NLK: variants seen among roughly 807,000 people sequenced by gnomAD.
NLK encodes the protein nemo like kinase, also known as serine/threonine-protein kinase NLK.
In NLK, 11 loss-of-function variants were observed where a neutral mutation model predicts 59.0. The ratio of observed to expected loss-of-function variants is 0.19; its 90% CI spans 0.12 to 0.31. The LOEUF (loss-of-function observed/expected upper bound fraction) is 0.31, where lower values mean the gene tolerates loss of function less well. NLK is among the 10% of genes least tolerant of loss of function. The probability of loss-of-function intolerance (pLI) is 1.00; values close to 1 mark genes in which losing one functional copy is unlikely to be tolerated. For synonymous variants in NLK, 235 were observed against 235.9 expected (o/e 1.00, Z 0.03); for missense variants, 410 against 661.1 (o/e 0.62, Z 4.16).
rs768444319 is a variant in NLK at position 28,052,888 on chromosome 17, G to GTT, written c.458+9575_458+9576dup. 1.5e-3 allele frequency among the ~76,000 whole-genome samples: 164 copies of GTT among 112,466 alleles called. 1 individual carries two copies. The highest frequency in any genetic ancestry group is 3.4e-3 in the African/African-American group (102 of 30,292). The allele number at this position is 112,466 out of a possible 152,430, so 73.8% of individuals were successfully genotyped here. ...CAGCACCAGCATATTGATCTCTGGT[G>GTT]TTTTTTTTTTTTTTTTTTTGAGACA... On this transcript the variant is annotated intron_variant, in intron 1 of 10. Transcript: ENST00000407008.
At position 28,195,542 on chromosome 17, in the gene NLK, A is replaced by G. The variant is rs1169849727; in HGVS notation, c.*906A>G. ...CACTGGACAGTAAAAAAATAATAAA[A>G]GACAAAAACAAATTTAAAAAAAAAT... is the stretch of plus-strand genomic sequence containing the variant. On this transcript the variant is annotated 3_prime_UTR_variant, in exon 11 of 11. Coordinates refer to ENST00000407008, the MANE Select transcript of NLK (RefSeq NM_016231.5). 2.0e-5 allele frequency: 3 copies of G among 152,530 alleles called. No individual in the cohort carries two copies. Among genetic ancestry groups the G allele is most frequent in the Non-Finnish European group, 4.4e-5 (3 of 68,030 alleles). The allele number at this position is 152,530 out of a possible 1,614,324, so 9.4% of individuals were successfully genotyped here. A position where few individuals can be genotyped will look rare whatever the true frequency, so the allele number is the denominator to read the frequency against.
chr17:28,043,242 G>A lies in NLK; in HGVS notation c.369G>A (p.Ala123=), dbSNP rs34145651. The change falls in exon 1 of 11, where the codon GCG becomes GCA. Residue 123 remains alanine (A), a synonymous_variant. Coordinates refer to ENST00000407008, the MANE Select transcript of NLK (RefSeq NM_016231.5). ...VQAAAAATVK[A]HHHQHSHHPQ... ...CTGCCGCAGCTGCTACAGTTAAGGC[G>A]CACCATCATCAGCACTCGCATCATC... 2,124 of 1,613,866 alleles carry A rather than the reference G, an allele frequency of 1.3e-3. 26 individuals carry two copies. The African/African-American group carries it at 0.025, about 19-fold the overall frequency.
At position 28,168,478 on chromosome 17, in the gene NLK, G is replaced by C. The variant is rs1908332546; in HGVS notation, c.868G>C (p.Glu290Gln). The change falls in exon 6 of 11, where the codon GAA (glutamate) becomes CAA (glutamine). Residue 290 changes from glutamate to glutamine, a missense_variant. By Grantham distance (29) the Glu-to-Gln change is conservative. Around this residue, in one of 5 missense-constraint regions of NLK, gnomAD observed 150 missense variants for 244.3 expected, o/e 0.61. Coordinates refer to ENST00000407008, the MANE Select transcript of NLK (RefSeq NM_016231.5). Reference protein sequence around the residue: ...ICDFGLARVEELDESRHMTQE... With the variant: ...ICDFGLARVEQLDESRHMTQE... ...TGATTTTGGATTGGCCAGAGTGGAA[G>C]AATTAGATGAATCCCGTCATATGAC... 1 of 1,613,836 alleles carries C rather than the reference G, an allele frequency of 6.2e-7. No individual in the cohort carries two copies. Among genetic ancestry groups the C allele is most frequent in the Non-Finnish European group, 8.5e-7 (1 of 1,179,762 alleles).
At chr17:28,078,386 T>C (rs1910237338) in intron 1 of NLK, among the ~76,000 whole-genome samples, 1 of 152,128 alleles carries the variant, frequency 6.6e-6, no homozygotes, top group East Asian at 1.9e-4. Context: ...CAGTTTTAGG[T>C]TTACAGCAAA....
the NLK span, among the ~76,000 whole-genome samples, chr17:28,204,894 G>A: frequency 6.6e-6 from 1 of 152,214 alleles, no homozygotes; most frequent in Admixed American, 6.5e-5. Flanking sequence ...AACTCATCCA[G>A]TAAAGTTCAG....
chr17:28,068,706 A>C (rs947213423), intron 1 of NLK, among the ~76,000 whole-genome samples: 1 of 152,134 alleles, frequency 6.6e-6, no homozygotes, highest in Non-Finnish European at 1.5e-5. Flanking sequence ...TAGAGACAAG[A>C]TCTCTTTCTG....
At chr17:28,091,406 T>C (rs552955291) in intron 1 of NLK, among the ~76,000 whole-genome samples, 30 of 151,846 alleles carry the variant, frequency 2.0e-4, no homozygotes, top group Non-Finnish European at 3.8e-4. Flanking sequence ...TAAACACTTT[T>C]ATCTGGGCAA....
At chr17:28,150,469 T>G (rs987205991) in intron 3 of NLK, among the ~76,000 whole-genome samples, 2 of 152,180 alleles carry the variant, frequency 1.3e-5, no homozygotes, top group African/African-American at 2.4e-5. Flanking sequence ...GAATGTGACC[T>G]TAGGTAAAGA....
chr17:28,082,403 G>A (rs1597669844), intron 1 of NLK, among the ~76,000 whole-genome samples: 1 of 152,206 alleles, frequency 6.6e-6, no homozygotes, highest in African/African-American at 2.4e-5. Flanking sequence ...TTTCATTTGA[G>A]TTACCTGAAT....
chr17:28,043,266 T>C lies in NLK; in HGVS notation c.393T>C (p.His131=). Residue 131 remains histidine (H), a synonymous_variant, in exon 1 of 11, where the codon CAT becomes CAC. Coordinates refer to ENST00000407008, the MANE Select transcript of NLK (RefSeq NM_016231.5). ...VKAHHHQHSH[H]PQQQLDIEPD... is the part of the protein sequence containing the mutation. The stretch of plus-strand genomic sequence containing the variant: ...CGCACCATCATCAGCACTCGCATCA[T>C]CCACAGCAGCAGCTGGATATTGAGC... 6.2e-7 allele frequency: 1 copy of C among 1,612,462 alleles called. No homozygotes were observed.
chr17:28,166,848 T>G (rs1163727270), intron 5 of NLK, among the ~76,000 whole-genome samples: 3 of 152,250 alleles, frequency 2.0e-5, no homozygotes, highest in Non-Finnish European at 4.4e-5. Flanking sequence ...TATTATTTAT[T>G]GCTGTATCTC....
chr17:28,122,380 T>C (rs976947211), intron 1 of NLK, among the ~76,000 whole-genome samples: 3 of 152,206 alleles, frequency 2.0e-5, no homozygotes, highest in Non-Finnish European at 2.9e-5. Flanking sequence ...GGGATTTTTT[T>C]TTTTTTAAAG....
At chr17:28,075,574 C>T (rs546032493) in intron 1 of NLK, among the ~76,000 whole-genome samples, 1 of 152,196 alleles carries the variant, frequency 6.6e-6, no homozygotes, top group Admixed American at 6.5e-5. Context: ...ATTGAGCTCT[C>T]AGACTTACTT....
chr17:28,158,834 T>C (rs1907890646), intron 3 of NLK, among the ~76,000 whole-genome samples: 1 of 152,152 alleles, frequency 6.6e-6, no homozygotes, highest in Non-Finnish European at 1.5e-5. Flanking sequence ...GTTGCTTTTT[T>C]ACTTTTTAAA....
At chr17:28,169,536 A>G (rs1908377114) in intron 6 of NLK, among the ~76,000 whole-genome samples, 1 of 152,182 alleles carries the variant, frequency 6.6e-6, no homozygotes, top group African/African-American at 2.4e-5. Flanking sequence ...ATTATTCACT[A>G]ATACACATAT....
chr17:28,155,697 G>A (rs767023783), intron 3 of NLK, among the ~76,000 whole-genome samples: 9 of 151,680 alleles, frequency 5.9e-5, no homozygotes, highest in South Asian at 2.1e-4. Flanking sequence ...ACCAAACACC[G>A]CATGTTCTCA....
chr17:28,139,826 C>T (rs1906911391), intron 3 of NLK, among the ~76,000 whole-genome samples: 1 of 152,162 alleles, frequency 6.6e-6, no homozygotes, highest in Non-Finnish European at 1.5e-5. Context: ...CCATGCTCTG[C>T]TGCCTCTTAA....
intron 1 of NLK, among the ~76,000 whole-genome samples, chr17:28,090,514 T>G (rs1904448565): frequency 6.6e-6 from 1 of 152,164 alleles, no homozygotes; most frequent in East Asian, 1.9e-4. Context: ...GATAAATTAT[T>G]TTAATTTTTT....
intron 10 of NLK, among the ~76,000 whole-genome samples, chr17:28,192,871 G>GTAA (rs1909357735): frequency 6.6e-6 from 1 of 152,148 alleles, no homozygotes; most frequent in African/African-American, 2.4e-5. Context: ...TCACTCCCTA[G>GTAA]TAATAACTGC....
Sources: gnomAD v4.1 joint callset for allele counts (sites outside exome capture counted in the v4.1 genomes callset) on GRCh38, gnomAD v4.1.1 for gene constraint, gnomAD v4.1.1 regional missense constraint, MANE v1.5 for transcripts, NCBI Gene and HGNC (gene_info 2026-07-23, HGNC 2026-07-21) for gene names.